Variants in INPP5F observed in about 807,000 individuals in gnomAD.
The protein encoded by INPP5F is phosphatidylinositide 4-phosphatase SAC2.
INPP5F carries 97 observed loss-of-function variants against 137.2 expected under a neutral mutation model. That is an observed-to-expected ratio of 0.71 (90% CI 0.60 to 0.84). INPP5F has a LOEUF of 0.84. Ranked by LOEUF, INPP5F falls within the 40% of genes least tolerant of loss-of-function variation. The pLI, the probability that INPP5F is intolerant of heterozygous loss-of-function variation, is 0.00. For synonymous variants in INPP5F, 504 were observed against 476.9 expected (o/e 1.06, Z -0.74); for missense variants, 1,271 against 1,371.9 (o/e 0.93, Z 1.16).
intron 2 of INPP5F, among the ~76,000 whole-genome samples, chr10:119,767,129 A>AAAAAAC (rs1564816855): frequency 2.7e-5 from 4 of 150,586 alleles, no homozygotes; most frequent in Non-Finnish European, 5.9e-5. Context: ...AAAAAAAAAA[A>AAAAAAC]AAAACCTAGA....
At chr10:119,801,883 C>T (rs1410186507) in intron 9 of INPP5F, among the ~76,000 whole-genome samples, 3 of 152,216 alleles carry the variant, frequency 2.0e-5, no homozygotes, top group Non-Finnish European at 4.4e-5. Context: ...TCATCCTGCT[C>T]CCTGTTGACA....
At position 119,779,042 on chromosome 10, in the gene INPP5F, C is replaced by T. The variant is rs573187559; in HGVS notation, c.179-2593C>T. On this transcript the variant is annotated intron_variant, in intron 2 of 19. Transcript: ENST00000650623. ...CCCTCTTCTCTGTACCCCGTTTCCACCTACTCTGTGGAGATAACTAATCTC... is the reference window on the plus strand; with the variant it reads ...CCCTCTTCTCTGTACCCCGTTTCCATCTACTCTGTGGAGATAACTAATCTC... 2.0e-5 allele frequency among the ~76,000 whole-genome samples: 3 copies of T among 152,264 alleles called. No individual in the cohort carries two copies. In the South Asian group the frequency reaches 6.2e-4, roughly 32 times the overall value.
chr10:119,788,330 A>G (rs955815366), intron 3 of INPP5F, among the ~76,000 whole-genome samples: 3 of 152,114 alleles, frequency 2.0e-5, no homozygotes, highest in African/African-American at 7.2e-5. Context: ...AGAAGGTGAC[A>G]TTTTCTAGAT....
At chr10:119,730,991 G>T (rs945867115) in intron 1 of INPP5F, among the ~76,000 whole-genome samples, 1 of 152,028 alleles carries the variant, frequency 6.6e-6, no homozygotes, top group Non-Finnish European at 1.5e-5. Flanking sequence ...GTTTTACCAT[G>T]TTGGCCAGGA....
intron 2 of INPP5F, among the ~76,000 whole-genome samples, chr10:119,779,195 T>C (rs1849621829): frequency 6.6e-6 from 1 of 152,044 alleles, no homozygotes; most frequent in Non-Finnish European, 1.5e-5. Context: ...ACAGTAAAAA[T>C]ACTGTACAAA....
intron 2 of INPP5F, among the ~76,000 whole-genome samples, chr10:119,756,938 AT>A (rs1848865609): frequency 6.7e-6 from 1 of 149,332 alleles, no homozygotes. Context: ...CCATTAGCCT[AT>A]TTTTGGGTTG....
chr10:119,738,308 A>G (rs939212979), intron 1 of INPP5F, among the ~76,000 whole-genome samples: 2 of 152,202 alleles, frequency 1.3e-5, no homozygotes, highest in Non-Finnish European at 2.9e-5. Flanking sequence ...AAATTTTACA[A>G]TTTATTTGTG....
intron 2 of INPP5F, among the ~76,000 whole-genome samples, chr10:119,778,368 A>G (rs1248619310): frequency 1.3e-5 from 2 of 152,180 alleles, no homozygotes; most frequent in Non-Finnish European, 2.9e-5. Context: ...TTTCTATAAT[A>G]AATTCCTGAA....
rs761697805 is a variant in INPP5F, at chr10:119,791,608, A to G, written c.407A>G (p.His136Arg). The G allele has an allele frequency of 5.0e-6, 8 of 1,605,360 alleles. No individual in the cohort carries two copies. The South Asian group carries it at 6.6e-5, about 13-fold the overall frequency. ...DSKFLLKTFT[H>R]IKSNVSAPNK... ...AAGTTTCTACTGAAGACCTTTACGC[A>G]TATTAAATCCAATGTGTCTGCTCCT... Residue 136 changes from histidine to arginine, a missense_variant, in exon 4 of 20, where the codon CAT becomes CGT. His to Arg is a conservative substitution (Grantham distance 29). Transcript: ENST00000650623.
At chr10:119,789,913 G>GTGTGT (rs1257735982) in intron 3 of INPP5F, among the ~76,000 whole-genome samples, 1 of 151,782 alleles carries the variant, frequency 6.6e-6, no homozygotes, top group Non-Finnish European at 1.5e-5. Context: ...AGGTGAAGCC[G>GTGTGT]TGTGTTGTAG....
intron 1 of INPP5F, among the ~76,000 whole-genome samples, chr10:119,747,290 C>G (rs1848563377): frequency 1.3e-5 from 2 of 151,732 alleles, no homozygotes; most frequent in African/African-American, 4.8e-5. Flanking sequence ...GTGGTATGAT[C>G]TCAGTTCACT....
At chr10:119,777,488 C>T (rs903491490) in intron 2 of INPP5F, among the ~76,000 whole-genome samples, 3 of 152,186 alleles carry the variant, frequency 2.0e-5, no homozygotes, top group East Asian at 3.9e-4. Context: ...ATTGCGCCAC[C>T]GCACTGCAGC....
Position 119,820,932 on chromosome 10 carries a change from G to T in INPP5F, c.1958+15G>T. 1 of 1,532,074 alleles carries T rather than the reference G, an allele frequency of 6.5e-7. No individual in the cohort carries two copies. Among genetic ancestry groups the T allele is most frequent in the Non-Finnish European group, 9.0e-7 (1 of 1,109,084 alleles). 94.9% of individuals were successfully genotyped at this position (1,532,074 alleles called of 1,614,324 possible). A position where few individuals can be genotyped will look rare whatever the true frequency, so the allele number is the denominator to read the frequency against. On this transcript the variant is annotated intron_variant, in intron 16 of 19. Coordinates refer to ENST00000650623, the MANE Select transcript of INPP5F (RefSeq NM_014937.4). Reference sequence around the variant, plus strand: ...TACGTGGCCTAGTAAGTTGCTTATTGATTTAAAGGTTTTGATTTTGTTTTT... The same window carrying T: ...TACGTGGCCTAGTAAGTTGCTTATTTATTTAAAGGTTTTGATTTTGTTTTT...
At chr10:119,795,829 A>G (rs1589724980) in intron 6 of INPP5F, among the ~76,000 whole-genome samples, 1 of 152,142 alleles carries the variant, frequency 6.6e-6, no homozygotes, top group Non-Finnish European at 1.5e-5. Context: ...CAATCCTGGC[A>G]CCTCGGGAGG....
chr10:119,732,188 A>G (rs1206875808), intron 1 of INPP5F, among the ~76,000 whole-genome samples: 1 of 152,024 alleles, frequency 6.6e-6, no homozygotes, highest in Admixed American at 6.6e-5. Context: ...GGCGCCTGCC[A>G]TCATGCCTGG....
intron 3 of INPP5F, among the ~76,000 whole-genome samples, chr10:119,784,699 T>A (rs757535095): frequency 8.5e-5 from 13 of 152,254 alleles, no homozygotes; most frequent in Non-Finnish European, 1.3e-4. Flanking sequence ...AAAATTCACA[T>A]ACCATAATTC....
intron 15 of INPP5F, chr10:119,819,339 G>GC: frequency 8.4e-7 from 1 of 1,191,810 alleles, no homozygotes; most frequent in Non-Finnish European, 1.1e-6. Flanking sequence ...TTTTCCGACT[G>GC]CCTGTTACGT....
intron 3 of INPP5F, among the ~76,000 whole-genome samples, chr10:119,782,395 C>T (rs924849805): frequency 8.5e-5 from 13 of 152,180 alleles, no homozygotes; most frequent in Admixed American, 8.5e-4. Context: ...GTCCTGTTTG[C>T]TCTTAGTATG....
intron 7 of INPP5F, among the ~76,000 whole-genome samples, chr10:119,797,219 A>G (rs1850416690): frequency 6.6e-6 from 1 of 152,152 alleles, no homozygotes; most frequent in African/African-American, 2.4e-5. Flanking sequence ...AATCCTTCCT[A>G]TGTGCTAGTG....
Sources: allele counts gnomAD v4.1 joint callset (sites outside exome capture counted in the v4.1 genomes callset), GRCh38; gene constraint gnomAD v4.1.1; transcripts MANE v1.5; gene names NCBI Gene and HGNC (gene_info 2026-07-23, HGNC 2026-07-21).